The following GIPC2 variants were observed in gnomAD, a reference collection of about 807,000 sequenced individuals.
GIPC2 encodes the protein PDZ domain-containing protein GIPC2.
In GIPC2, 30 loss-of-function variants were observed where a neutral mutation model predicts 30.6. That is an observed-to-expected ratio of 0.98 (90% CI 0.73 to 1.33). The LOEUF (loss-of-function observed/expected upper bound fraction) is 1.33, where lower values mean the gene tolerates loss of function less well. GIPC2 is among the 40% of genes most tolerant of loss of function. The pLI, the probability that GIPC2 is intolerant of heterozygous loss-of-function variation, is 0.00. For synonymous variants in GIPC2, 167 were observed against 150.0 expected, an observed-to-expected ratio of 1.11 and a Z score of -0.83; for missense variants, 414 against 390.3, an observed-to-expected ratio of 1.06 and a Z score of -0.51.
At chr1:78,095,518 A>G (rs977119971) in intron 3 of GIPC2, among the ~76,000 whole-genome samples, 1 of 152,190 alleles carries the variant, frequency 6.6e-6, no homozygotes, top group Non-Finnish European at 1.5e-5. Context: ...AGCAGCAAAA[A>G]TTATAGTTAT....
chr1:78,130,501 A>G (rs1662873747), intron 5 of GIPC2, among the ~76,000 whole-genome samples: 1 of 152,224 alleles, frequency 6.6e-6, no homozygotes, highest in Non-Finnish European at 1.5e-5. Context: ...TTCATTAAAA[A>G]TCATTCTACA....
chr1:78,094,131 T>C (rs1358221773), intron 2 of GIPC2, among the ~76,000 whole-genome samples: 2 of 152,202 alleles, frequency 1.3e-5, no homozygotes, highest in Non-Finnish European at 2.9e-5. Context: ...ACCATACTTA[T>C]CTTTTATTGG....
chr1:78,092,587 A>G (rs1162145157), intron 2 of GIPC2, among the ~76,000 whole-genome samples: 2 of 152,194 alleles, frequency 1.3e-5, no homozygotes, highest in Admixed American at 6.5e-5. Context: ...AAAGCACATT[A>G]GGTTTCAGAA....
chr1:78,120,843 A>G lies in GIPC2; in HGVS notation c.714+1344A>G, dbSNP rs141287567. 4.9e-3 allele frequency among the ~76,000 whole-genome samples: 752 copies of G among 152,270 alleles called. 7 individuals carry two copies. The highest frequency in any genetic ancestry group is 0.017 in the African/African-American group (711 of 41,550). Reference sequence around the variant, plus strand: ...TCCCACAACATGTGGGGATTATGGGAGCTACAATTCAAGATGAGATTTGGG... The same window carrying G: ...TCCCACAACATGTGGGGATTATGGGGGCTACAATTCAAGATGAGATTTGGG... On this transcript the variant is annotated intron_variant, in intron 4 of 5. Transcript: ENST00000370759.
intron 5 of GIPC2, among the ~76,000 whole-genome samples, chr1:78,129,278 A>G (rs1320921402): frequency 3.3e-5 from 5 of 152,176 alleles, no homozygotes; most frequent in Non-Finnish European, 4.4e-5. Context: ...TTAAATTAGG[A>G]ATTTCTTTCA....
chr1:78,128,682 A>G (rs1213465580), intron 5 of GIPC2, among the ~76,000 whole-genome samples: 1 of 152,182 alleles, frequency 6.6e-6, no homozygotes, highest in African/African-American at 2.4e-5. Flanking sequence ...ATTTATGCTC[A>G]CATACAGTGA....
intron 1 of GIPC2, among the ~76,000 whole-genome samples, chr1:78,050,303 A>G (rs1380411270): frequency 1.3e-5 from 2 of 152,182 alleles, no homozygotes; most frequent in Admixed American, 1.3e-4. Context: ...TTTTTTTTCA[A>G]TAAAAGCCTC....
chr1:78,058,240 A>G (rs1009908112), intron 1 of GIPC2, among the ~76,000 whole-genome samples: 1 of 152,130 alleles, frequency 6.6e-6, no homozygotes, highest in Non-Finnish European at 1.5e-5. Context: ...GGTTAATGAT[A>G]CTTGTCATCA....
rs113524451 is a variant in GIPC2, at chr1:78,125,886, T to C, written c.720T>C (p.Ser240=). ...TTCTCTCTTTTTTGATAAAGCCTTC[T>C]GAAACCAAAGCAAAGGCAATTGAAA... ...KGPATVEEMP[S]ETKAKAIEKI... is the part of the protein sequence containing the mutation. Residue 240 remains serine, a synonymous_variant, in exon 5 of 6, where the codon TCT becomes TCC. Transcript: ENST00000370759. 6.4e-7 allele frequency: 1 copy of C among 1,561,184 alleles called. No individual in the cohort carries two copies. The highest frequency in any genetic ancestry group is 8.8e-7 in the Non-Finnish European group (1 of 1,132,182).
chr1:78,116,167 T>A (rs1662563324), intron 3 of GIPC2, among the ~76,000 whole-genome samples: 1 of 152,176 alleles, frequency 6.6e-6, no homozygotes, highest in South Asian at 2.1e-4. Flanking sequence ...CAGGGAAAAC[T>A]GCTTTACAAA....
At chr1:78,065,462 A>T (rs1340915874) in intron 1 of GIPC2, among the ~76,000 whole-genome samples, 1 of 152,108 alleles carries the variant, frequency 6.6e-6, no homozygotes, top group Non-Finnish European at 1.5e-5. Context: ...TAAAATGGCC[A>T]TATTGCCCAA....
Position 78,086,200 on chromosome 1 carries a change from G to A in GIPC2, c.426+5340G>A, listed in dbSNP as rs1167123997. Among the ~76,000 whole-genome samples, 5 of 152,182 alleles carry A rather than the reference G, an allele frequency of 3.3e-5. No individual in the cohort carries two copies. In the South Asian group the frequency reaches 6.2e-4, roughly 19 times the overall value. ...CTATTTACCCAAAAGTCATTCAGGA[G>A]CATGTTGTTTAATTTCCATGTAATT... On this transcript the variant is annotated intron_variant, in intron 2 of 5. Coordinates refer to ENST00000370759, the MANE Select transcript of GIPC2 (RefSeq NM_017655.6).
chr1:78,062,105 C>T (rs1345213727), intron 1 of GIPC2, among the ~76,000 whole-genome samples: 2 of 152,176 alleles, frequency 1.3e-5, no homozygotes, highest in African/African-American at 4.8e-5. Context: ...GTCACAGGTT[C>T]TTAAGTTACA....
At position 78,097,161 on chromosome 1, in the gene GIPC2, A is replaced by G. The variant is rs112933924; in HGVS notation, c.607+2029A>G. Among the ~76,000 whole-genome samples the G allele has an allele frequency of 4.6e-5, 7 of 152,168 alleles. 1 individual carries two copies. Among genetic ancestry groups the G allele is most frequent in the South Asian group, 4.2e-4 (2 of 4,814 alleles). ...TACTTGGGGAATCAGGCTTCCCCCA[A>G]TTCTCTTGGTTCTAATCTTATCTTT... On this transcript the variant is annotated intron_variant, in intron 3 of 5. Transcript: ENST00000370759.
chr1:78,093,763 T>C (rs1218592956), intron 2 of GIPC2, among the ~76,000 whole-genome samples: 3 of 152,138 alleles, frequency 2.0e-5, no homozygotes, highest in African/African-American at 7.2e-5. Flanking sequence ...ACTCCTGATA[T>C]TGCTATCATT....
At chr1:78,106,937 A>G (rs1320297448) in intron 3 of GIPC2, among the ~76,000 whole-genome samples, 1 of 152,116 alleles carries the variant, frequency 6.6e-6, no homozygotes, top group African/African-American at 2.4e-5. Context: ...CGGCCTCCCA[A>G]GGTGCTGGGA....
chr1:78,128,422 A>G (rs1168180294), intron 5 of GIPC2, among the ~76,000 whole-genome samples: 3 of 152,240 alleles, frequency 2.0e-5, no homozygotes, highest in African/African-American at 7.2e-5. Flanking sequence ...GGCCTAGGAA[A>G]AGATCTAACT....
intron 2 of GIPC2, chr1:78,092,084 G>C: frequency 7.3e-7 from 1 of 1,366,280 alleles, no homozygotes; most frequent in Non-Finnish European, 1.0e-6. Context: ...CCCCGGCTTT[G>C]TGTCTGTGGG....
intron 1 of GIPC2, among the ~76,000 whole-genome samples, chr1:78,048,848 A>G (rs1041024515): frequency 1.3e-5 from 2 of 152,126 alleles, no homozygotes; most frequent in African/African-American, 2.4e-5. Flanking sequence ...GATAATATAC[A>G]CGAGTTGTTT....
Sources: allele counts gnomAD v4.1 joint callset (sites outside exome capture counted in the v4.1 genomes callset), GRCh38; gene constraint gnomAD v4.1.1; transcripts MANE v1.5; gene names NCBI Gene and HGNC (gene_info 2026-07-23, HGNC 2026-07-21).